Variants in CDYL2 observed in about 807,000 individuals in gnomAD.
CDYL2 encodes the protein chromodomain Y-like protein 2.
Under a neutral mutation model 49.4 loss-of-function variants are expected in CDYL2, and 23 were observed. That is an observed-to-expected ratio of 0.47 (90% CI 0.34 to 0.66). CDYL2 has a LOEUF of 0.66. Among genes scored for constraint, CDYL2 ranks in the 30% least tolerant of loss-of-function variants. The probability of loss-of-function intolerance (pLI) is 0.01; values close to 1 mark genes in which losing one functional copy is unlikely to be tolerated. For synonymous variants in CDYL2, 360 were observed against 268.8 expected, an observed-to-expected ratio of 1.34 and a Z score of -3.32; for missense variants, 678 against 656.4, an observed-to-expected ratio of 1.03 and a Z score of -0.36.
At chr16:80,791,167 C>T (rs961313851) in intron 1 of CDYL2, among the ~76,000 whole-genome samples, 4 of 152,124 alleles carry the variant, frequency 2.6e-5, no homozygotes, top group East Asian at 3.8e-4. Context: ...TGGATGCTTT[C>T]GGTGAGTTTG....
At chr16:80,666,891 C>A (rs528304639) in intron 2 of CDYL2, among the ~76,000 whole-genome samples, 3 of 152,312 alleles carry the variant, frequency 2.0e-5, no homozygotes, top group African/African-American at 7.2e-5. Flanking sequence ...AAGTGCCCAG[C>A]ATTGTTAGGT....
In CDYL2 at chr16:80,668,621, T is replaced by C. The variant is rs112555393; in HGVS notation, c.616+15917A>G. Among the ~76,000 whole-genome samples, 1,402 of 152,224 alleles carry C rather than the reference T, an allele frequency of 9.2e-3. 31 individuals are homozygous for C. Among genetic ancestry groups the C allele is most frequent in the African/African-American group, 0.032 (1,322 of 41,544 alleles). ...TTGGGAAGGGAGAATATGGAGACTT[T>C]AATTTCTAAAATGCTTATATTTTCC... On this transcript the variant is annotated intron_variant, in intron 2 of 6. Coordinates refer to ENST00000570137, the MANE Select transcript of CDYL2 (RefSeq NM_152342.4).
In CDYL2 at chr16:80,671,039, T is replaced by C. The variant is rs1374228400; in HGVS notation, c.616+13499A>G. On this transcript the variant is annotated intron_variant, in intron 2 of 6. Transcript: ENST00000570137. ...CCAGTCTAGGGTTGTGACTTTCCTC[T>C]ATGGCATCCCTGACCCCAGTGGAGG... The C allele has an allele frequency of 8.8e-6, 4 of 455,464 alleles. No homozygotes were observed. The East Asian group carries it at 2.8e-4, about 32-fold the overall frequency. The allele number at this position is 455,464 out of a possible 1,614,324, so 28.2% of individuals were successfully genotyped here.
intron 2 of CDYL2, among the ~76,000 whole-genome samples, chr16:80,683,024 C>T (rs1201755639): frequency 6.6e-6 from 1 of 152,134 alleles, no homozygotes; most frequent in Non-Finnish European, 1.5e-5. Flanking sequence ...AGCAAGAGTA[C>T]CTAAAGACAG....
chr16:80,696,501 A>T (rs900373311), intron 1 of CDYL2, among the ~76,000 whole-genome samples: 2 of 152,084 alleles, frequency 1.3e-5, no homozygotes, highest in African/African-American at 4.8e-5. Context: ...ACACAAATAA[A>T]ATCACAAACA....
chr16:80,675,306 G>A (rs183721972), intron 2 of CDYL2, among the ~76,000 whole-genome samples: 1 of 152,312 alleles, frequency 6.6e-6, no homozygotes, highest in African/African-American at 2.4e-5. Flanking sequence ...TACCCTTGCT[G>A]AGCCTCAGCT....
intron 1 of CDYL2, among the ~76,000 whole-genome samples, chr16:80,769,564 T>C (rs983554749): frequency 6.6e-6 from 1 of 152,124 alleles, no homozygotes; most frequent in African/African-American, 2.4e-5. Flanking sequence ...ACCATGAACA[T>C]AGGGAGGAAC....
chr16:80,727,405 C>T (rs1458309826), intron 1 of CDYL2, among the ~76,000 whole-genome samples: 3 of 152,218 alleles, frequency 2.0e-5, no homozygotes, highest in Non-Finnish European at 4.4e-5. Context: ...TAAAAAACGG[C>T]GCACCAGGAG....
chr16:80,611,359 A>T (rs1202749423), intron 5 of CDYL2, among the ~76,000 whole-genome samples: 3 of 152,142 alleles, frequency 2.0e-5, no homozygotes, highest in African/African-American at 7.2e-5. Flanking sequence ...TGAGATCCAG[A>T]TGGGACCCGT....
intron 1 of CDYL2, among the ~76,000 whole-genome samples, chr16:80,792,682 T>C (rs889806006): frequency 1.3e-5 from 2 of 152,108 alleles, no homozygotes; most frequent in African/African-American, 4.8e-5. Flanking sequence ...ATGGATAACG[T>C]GATACTCCAC....
chr16:80,675,529 T>C (rs890918009), intron 2 of CDYL2, among the ~76,000 whole-genome samples: 2 of 152,178 alleles, frequency 1.3e-5, no homozygotes, highest in African/African-American at 4.8e-5. Context: ...ATCATCATCA[T>C]TCATGAAGAC....
intron 1 of CDYL2, among the ~76,000 whole-genome samples, chr16:80,794,030 A>C (rs536966207): frequency 6.6e-6 from 1 of 152,300 alleles, no homozygotes; most frequent in Admixed American, 6.5e-5. Flanking sequence ...GAATCTCAGG[A>C]TATTCTTCAT....
At chr16:80,732,126 T>A (rs1176071620) in intron 1 of CDYL2, among the ~76,000 whole-genome samples, 1 of 152,168 alleles carries the variant, frequency 6.6e-6, no homozygotes, top group African/African-American at 2.4e-5. Flanking sequence ...TCATTTTTAT[T>A]GACGAAATCC....
intron 1 of CDYL2, among the ~76,000 whole-genome samples, chr16:80,704,811 C>A (rs908271934): frequency 7.2e-5 from 11 of 152,182 alleles, no homozygotes; most frequent in African/African-American, 2.7e-4. Flanking sequence ...CCAAAAGGGA[C>A]TGGGGCATGT....
chr16:80,605,731 T>G (rs1281407198), intron 6 of CDYL2, among the ~76,000 whole-genome samples: 9 of 152,052 alleles, frequency 5.9e-5, no homozygotes. Context: ...TAATGAGTAA[T>G]GATTGTAGTA....
intron 1 of CDYL2, among the ~76,000 whole-genome samples, chr16:80,757,251 A>G (rs1906342923): frequency 6.6e-6 from 1 of 152,212 alleles, no homozygotes; most frequent in African/African-American, 2.4e-5. Flanking sequence ...TAAGTATTCA[A>G]TAACCAATAG....
chr16:80,782,647 C>T (rs1042594346), intron 1 of CDYL2, among the ~76,000 whole-genome samples: 1 of 151,376 alleles, frequency 6.6e-6, no homozygotes, highest in Non-Finnish European at 1.5e-5. Context: ...GATCACACAC[C>T]ATGACCAAGA....
chr16:80,743,740 T>TG (rs1905830635), intron 1 of CDYL2, among the ~76,000 whole-genome samples: 1 of 152,316 alleles, frequency 6.6e-6, no homozygotes, highest in African/African-American at 2.4e-5. Flanking sequence ...TTCTATAATA[T>TG]ATATCAGTTC....
intron 1 of CDYL2, among the ~76,000 whole-genome samples, chr16:80,798,093 T>C (rs767614999): frequency 6.6e-6 from 1 of 152,182 alleles, no homozygotes; most frequent in Non-Finnish European, 1.5e-5. Context: ...CAGGCTGGAG[T>C]GCAGTGGTGT....
Sources: allele counts gnomAD v4.1 joint callset (sites outside exome capture counted in the v4.1 genomes callset), GRCh38; gene constraint gnomAD v4.1.1; transcripts MANE v1.5; gene names NCBI Gene and HGNC (gene_info 2026-07-23, HGNC 2026-07-21).